Variants in PSMA4 observed in about 807,000 individuals in gnomAD.
PSMA4 encodes proteasome subunit alpha type-4.
In PSMA4, 8 loss-of-function variants were observed where a neutral mutation model predicts 37.2. That is an observed-to-expected ratio of 0.22 (90% CI 0.13 to 0.39). The LOEUF is 0.39. Ranked by LOEUF, PSMA4 falls within the 10% of genes least tolerant of loss-of-function variation. PSMA4 has a pLI of 1.00. For synonymous variants in PSMA4, 93 were observed against 98.8 expected (o/e 0.94, Z 0.35); for missense variants, 169 against 305.1 (o/e 0.55, Z 3.32).
rs377628144 is a variant in PSMA4, at chr15:78,552,363, T to C, written c.*3419T>C. 1 of 152,218 alleles carries C rather than the reference T, an allele frequency of 6.6e-6. No individual in the cohort carries two copies. The highest frequency in any genetic ancestry group is 6.5e-5 in the Admixed American group (1 of 15,276). 9.4% of individuals were successfully genotyped at this position (152,218 alleles called of 1,614,324 possible). On this transcript the variant is annotated 3_prime_UTR_variant, in exon 9 of 9. Coordinates refer to ENST00000044462, the MANE Select transcript of PSMA4 (RefSeq NM_002789.6). ...AACTTTAAAATCAAAGTCAAATTGA[T>C]TTCATTTTGGTGAGCTTTCAAATCA...
intron 4 of PSMA4, 77 bp downstream of exon 4, chr15:78,542,722 G>A (rs1480188381): frequency 7.5e-7 from 1 of 1,330,674 alleles, no homozygotes; most frequent in Non-Finnish European, 1.0e-6. Context: ...ATTTGGGAGG[G>A]CTCTTCCGTG....
rs1443657610 is a variant in PSMA4 at position 78,545,882 on chromosome 15, T to C, written c.507+118T>C. The C allele has an allele frequency of 4.6e-6, 5 of 1,091,556 alleles. No individual in the cohort carries two copies. In the African/African-American group the frequency reaches 6.3e-5, roughly 14 times the overall value. 67.6% of individuals were successfully genotyped at this position (1,091,556 alleles called of 1,614,324 possible). On this transcript the variant is annotated intron_variant, in intron 7 of 8. Coordinates refer to ENST00000044462, the MANE Select transcript of PSMA4 (RefSeq NM_002789.6). ...TAGCTGCAACAACCTTAATGTGATATGGAAATATCTGTGATTTCTGTTGGT... is the reference window on the plus strand; with the variant it reads ...TAGCTGCAACAACCTTAATGTGATACGGAAATATCTGTGATTTCTGTTGGT...
chr15:78,546,218 C>T (rs2052549421), intron 7 of PSMA4, among the ~76,000 whole-genome samples: 1 of 152,130 alleles, frequency 6.6e-6, no homozygotes, highest in Non-Finnish European at 1.5e-5. Flanking sequence ...CCGAGGCAGG[C>T]AAATTGCTCG....
chr15:78,545,330 T>C (rs1407490308), intron 6 of PSMA4, among the ~76,000 whole-genome samples: 1 of 152,246 alleles, frequency 6.6e-6, no homozygotes, highest in African/African-American at 2.4e-5. Context: ...TAGATTACCC[T>C]CGTTTTATTA....
At chr15:78,548,507 T>A (rs1488691997) in intron 8 of PSMA4, among the ~76,000 whole-genome samples, 5 of 152,184 alleles carry the variant, frequency 3.3e-5, no homozygotes, top group Non-Finnish European at 5.9e-5. Flanking sequence ...TCAGCACAGC[T>A]AATAGCAGGC....
intron 4 of PSMA4, chr15:78,543,778 A>G (rs1429804229): frequency 5.9e-6 from 1 of 168,704 alleles, no homozygotes; most frequent in Non-Finnish European, 1.3e-5. Flanking sequence ...CGTATTGCCC[A>G]GGCTGTTCTT....
intron 4 of PSMA4, chr15:78,543,833 T>TA: frequency 5.2e-6 from 1 of 193,692 alleles, no homozygotes; most frequent in Non-Finnish European, 1.1e-5. Context: ...CCTCCCAAAG[T>TA]GCTGGGATTA....
At chr15:78,546,815 G>GA in intron 8 of PSMA4, 117 bp downstream of exon 8, 1 of 1,122,810 alleles carries the variant, frequency 8.9e-7, no homozygotes, top group Non-Finnish European at 1.2e-6. Flanking sequence ...TGCCAGGCTG[G>GA]AGTGCAGTGG....
At chr15:78,548,001 G>A (rs1283748311) in intron 8 of PSMA4, among the ~76,000 whole-genome samples, 1 of 152,022 alleles carries the variant, frequency 6.6e-6, no homozygotes, top group Non-Finnish European at 1.5e-5. Context: ...AGGCCGAGGT[G>A]GGTGGATCAC....
chr15:78,548,701 C>T (rs1567039677), intron 8 of PSMA4, 89 bp from the exon 9 acceptor site: 3 of 1,503,124 alleles, frequency 2.0e-6, no homozygotes, highest in East Asian at 4.6e-5. Flanking sequence ...AATGATGTGG[C>T]GAGCATAAAC....
At chr15:78,548,276 C>T (rs2052591722) in intron 8 of PSMA4, among the ~76,000 whole-genome samples, 1 of 152,174 alleles carries the variant, frequency 6.6e-6, no homozygotes, top group Non-Finnish European at 1.5e-5. Flanking sequence ...GCAGATTGCC[C>T]TCTTTTGTCT....
chr15:78,545,614 G>C lies in PSMA4; in HGVS notation c.377-20G>C. The C allele has an allele frequency of 6.2e-7, 1 of 1,611,692 alleles. No individual in the cohort carries two copies. The highest frequency in any genetic ancestry group is 8.5e-7 in the Non-Finnish European group (1 of 1,177,956). On this transcript the variant is annotated intron_variant, in intron 6 of 8. Coordinates refer to ENST00000044462, the MANE Select transcript of PSMA4 (RefSeq NM_002789.6). ...TAAATTTAGATTATTGATATGTTTG[G>C]CTTTTTTTCTTTGTTAAAGGAAAAC...
chr15:78,548,760 A>G lies in PSMA4; in HGVS notation c.632-30A>G. 1.9e-6 allele frequency: 3 copies of G among 1,591,398 alleles called. 1 individual carries two copies. Among genetic ancestry groups the G allele is most frequent in the South Asian group, 2.3e-5 (2 of 86,294 alleles). On this transcript the variant is annotated intron_variant, in intron 8 of 8. Coordinates refer to ENST00000044462, the MANE Select transcript of PSMA4 (RefSeq NM_002789.6). ...TGCTAAGTATGCCTGCCTGCCTGCAATACAAATAAATGTATGTGTTTGTTT... is the reference window on the plus strand; with the variant it reads ...TGCTAAGTATGCCTGCCTGCCTGCAGTACAAATAAATGTATGTGTTTGTTT...
In PSMA4 at chr15:78,546,467, GTT is replaced by G. The variant is rs2052554508; in HGVS notation, c.508-106_508-105del. 6.6e-6 allele frequency: 6 copies of G among 911,574 alleles called. No homozygotes were observed. In the East Asian group the frequency reaches 2.0e-4, roughly 30 times the overall value. 56.5% of individuals were successfully genotyped at this position (911,574 alleles called of 1,614,324 possible). A position where few individuals can be genotyped will look rare whatever the true frequency, so the allele number is the denominator to read the frequency against. ...CTGTGTCAAAAAAAAAAAAAAAATT[GTT>G]TATACTTGTAATGCCAATAATAATT... On this transcript the variant is annotated intron_variant, in intron 7 of 8. Transcript: ENST00000044462.
intron 2 of PSMA4, 110 bp from the exon 3 acceptor site, chr15:78,542,067 A>T (rs1353530035): frequency 1.4e-5 from 20 of 1,447,386 alleles, no homozygotes; most frequent in Non-Finnish European, 1.1e-5. Flanking sequence ...GTTTCCTCTC[A>T]CCTATTGAAC....
rs1052035 is a variant in PSMA4, at chr15:78,549,011, T to C, written c.*67T>C. 66,275 of 1,506,790 alleles carry C rather than the reference T, an allele frequency of 0.044. 1,671 individuals carry two copies. The highest frequency in any genetic ancestry group is 0.083 in the Middle Eastern group (337 of 4,062). The allele number at this position is 1,506,790 out of a possible 1,614,324, so 93.3% of individuals were successfully genotyped here. A position where few individuals can be genotyped will look rare whatever the true frequency, so the allele number is the denominator to read the frequency against. ...TAAAAGCAGTCCTACTCTTCCACACTAGGAAGGCTTTACTTTTTTTAACTG... is the reference window on the plus strand; with the variant it reads ...TAAAAGCAGTCCTACTCTTCCACACCAGGAAGGCTTTACTTTTTTTAACTG... On this transcript the variant is annotated 3_prime_UTR_variant, in exon 9 of 9. Transcript: ENST00000044462.
chr15:78,547,905 G>T (rs768565230), intron 8 of PSMA4, among the ~76,000 whole-genome samples: 14 of 151,734 alleles, frequency 9.2e-5, no homozygotes, highest in Non-Finnish European at 1.9e-4. Flanking sequence ...CTTTATGTTA[G>T]GACAGTTTAG....
chr15:78,544,326 T>TTG (rs2141375299), intron 5 of PSMA4, 59 bp downstream of exon 5: 1 of 1,379,578 alleles, frequency 7.2e-7, no homozygotes, highest in East Asian at 2.4e-5. Context: ...TTTCTTTTTT[T>TTG]TTTTTTTGAG....
chr15:78,545,105 T>C, intron 6 of PSMA4, 148 bp downstream of exon 6: 1 of 569,826 alleles, frequency 1.8e-6, no homozygotes, highest in Non-Finnish European at 3.0e-6. Flanking sequence ...TTGTACATAT[T>C]CATGAGGTAC....
Sources: gnomAD v4.1 joint callset for allele counts (sites outside exome capture counted in the v4.1 genomes callset) on GRCh38, gnomAD v4.1.1 for gene constraint, MANE v1.5 for transcripts, NCBI Gene and HGNC (gene_info 2026-07-23, HGNC 2026-07-21) for gene names.